MRPL1: variants seen among roughly 807,000 people sequenced by gnomAD.
The protein encoded by MRPL1 is large ribosomal subunit protein uL1m.
In MRPL1, 28 loss-of-function variants were observed where a neutral mutation model predicts 38.0. The observed-to-expected ratio is 0.74, with a 90% CI of 0.55 to 1.01. The LOEUF is 1.01. Ranked by LOEUF, MRPL1 falls within the 50% of genes least tolerant of loss-of-function variation. The probability of loss-of-function intolerance (pLI) is 0.00; values close to 1 mark genes in which losing one functional copy is unlikely to be tolerated. For missense variants in MRPL1, 358 were observed against 389.8 expected, an observed-to-expected ratio of 0.92 and a Z score of 0.69; for synonymous variants, 123 against 126.7, an observed-to-expected ratio of 0.97 and a Z score of 0.20.
chr4:77,930,122 A>T (rs1049295954), intron 7 of MRPL1, among the ~76,000 whole-genome samples: 3 of 152,234 alleles, frequency 2.0e-5, no homozygotes, highest in African/African-American at 7.2e-5. Flanking sequence ...CCTGGTCTCA[A>T]CACTGCCTGA....
intron 8 of MRPL1, among the ~76,000 whole-genome samples, chr4:77,950,886 T>G (rs1192477004): frequency 6.6e-6 from 1 of 152,214 alleles, no homozygotes; most frequent in Non-Finnish European, 1.5e-5. Context: ...TATTTTAGTT[T>G]TTGAGACGGA....
intron 7 of MRPL1, among the ~76,000 whole-genome samples, chr4:77,938,925 T>C (rs957857539): frequency 6.6e-6 from 1 of 152,210 alleles, no homozygotes; most frequent in African/African-American, 2.4e-5. Context: ...CTTTTATTTT[T>C]TTATTTCAAT....
chr4:77,893,342 C>T (rs1317773325), intron 5 of MRPL1, among the ~76,000 whole-genome samples: 2 of 151,912 alleles, frequency 1.3e-5, no homozygotes, highest in Admixed American at 6.6e-5. Context: ...ATTTCAAACT[C>T]CTGAGCTCAA....
At chr4:77,871,173 T>A (rs1426458802) in intron 1 of MRPL1, among the ~76,000 whole-genome samples, 1 of 152,104 alleles carries the variant, frequency 6.6e-6, no homozygotes, top group East Asian at 1.9e-4. Context: ...GTGAGCTGTG[T>A]TCATGCCACT....
chr4:77,905,248 A>G (rs1319456119), intron 6 of MRPL1, among the ~76,000 whole-genome samples: 2 of 152,094 alleles, frequency 1.3e-5, no homozygotes, highest in East Asian at 3.9e-4. Flanking sequence ...TGTAATCTCA[A>G]CACTTTGGGA....
intron 2 of MRPL1, among the ~76,000 whole-genome samples, chr4:77,877,890 G>A (rs1426879458): frequency 1.3e-5 from 2 of 151,302 alleles, no homozygotes; most frequent in African/African-American, 4.9e-5. Flanking sequence ...TTTCCTGTGT[G>A]CCTGCAACTG....
At chr4:77,934,481 C>T (rs1370525376) in intron 7 of MRPL1, among the ~76,000 whole-genome samples, 1 of 151,960 alleles carries the variant, frequency 6.6e-6, no homozygotes. Flanking sequence ...ATTAAAATCA[C>T]AATGAGATAC....
intron 6 of MRPL1, among the ~76,000 whole-genome samples, chr4:77,902,712 T>C (rs1304305862): frequency 6.6e-6 from 1 of 151,456 alleles, no homozygotes; most frequent in East Asian, 1.9e-4. Flanking sequence ...ATTTAAATGA[T>C]AATAAGGAAA....
At chr4:77,950,956 C>T (rs571070257) in intron 8 of MRPL1, among the ~76,000 whole-genome samples, 5 of 152,290 alleles carry the variant, frequency 3.3e-5, no homozygotes, top group South Asian at 4.1e-4. Flanking sequence ...CTGCAACCTC[C>T]GCCTCCCGGG....
Position 77,952,617 on chromosome 4 carries a change from A to G in MRPL1, c.*10A>G, listed in dbSNP as rs1274498893. The stretch of plus-strand genomic sequence containing the variant: ...AAAAGAAGATGCCTAAATGTGGTGA[A>G]TTGTGAAATTACTTTCAGTGGTTTA... On this transcript the variant is annotated 3_prime_UTR_variant, in exon 9 of 9. Transcript: ENST00000315567. 2.6e-6 allele frequency: 4 copies of G among 1,523,544 alleles called. No individual in the cohort carries two copies. The highest frequency in any genetic ancestry group is 3.6e-6 in the Non-Finnish European group (4 of 1,101,494). 94.4% of individuals were successfully genotyped at this position (1,523,544 alleles called of 1,614,324 possible). A position where few individuals can be genotyped will look rare whatever the true frequency, so the allele number is the denominator to read the frequency against.
intron 6 of MRPL1, among the ~76,000 whole-genome samples, chr4:77,898,988 G>GTTT (rs1560465396): frequency 2.1e-5 from 3 of 140,574 alleles, no homozygotes; most frequent in African/African-American, 5.4e-5. Flanking sequence ...CTTATGCACA[G>GTTT]ATTTTTTTTT....
intron 7 of MRPL1, among the ~76,000 whole-genome samples, chr4:77,947,813 T>G (rs182347807): frequency 2.6e-5 from 4 of 152,336 alleles, no homozygotes; most frequent in Admixed American, 2.6e-4. Context: ...GCACAATATC[T>G]AAAATAAAAA....
At chr4:77,939,157 A>G (rs1737060121) in intron 7 of MRPL1, among the ~76,000 whole-genome samples, 1 of 152,172 alleles carries the variant, frequency 6.6e-6, no homozygotes, top group Non-Finnish European at 1.5e-5. Flanking sequence ...ATGAGTGAGA[A>G]CATACGATGT....
rs1370588902 is a variant in MRPL1 at position 77,890,202 on chromosome 4, C to A, written c.558+2911C>A. Reference sequence around the variant, plus strand: ...AAAAAGAGAATTTTAGACCAATATCCCTGATGAACATCGATGCAAAAATCC... The same window carrying A: ...AAAAAGAGAATTTTAGACCAATATCACTGATGAACATCGATGCAAAAATCC... On this transcript the variant is annotated intron_variant, in intron 5 of 8. Transcript: ENST00000315567. 3.3e-5 allele frequency among the ~76,000 whole-genome samples: 5 copies of A among 152,262 alleles called. No homozygotes were observed. The East Asian group carries it at 9.7e-4, about 29-fold the overall frequency.
At chr4:77,936,012 C>T (rs538522013) in intron 7 of MRPL1, among the ~76,000 whole-genome samples, 39 of 150,460 alleles carry the variant, frequency 2.6e-4, no homozygotes, top group Non-Finnish European at 5.2e-4. Context: ...AAATGCTAAA[C>T]TAAAACTAAT....
intron 7 of MRPL1, among the ~76,000 whole-genome samples, chr4:77,918,211 G>A (rs1318508269): frequency 2.0e-5 from 3 of 152,112 alleles, no homozygotes; most frequent in East Asian, 1.9e-4. Context: ...AGGGTCGTTC[G>A]TATTTCAAAA....
chr4:77,927,677 A>C (rs1044082659), intron 7 of MRPL1, among the ~76,000 whole-genome samples: 1 of 152,034 alleles, frequency 6.6e-6, no homozygotes, highest in Admixed American at 6.5e-5. Context: ...TAAAAATTTC[A>C]CTAAGTACAA....
chr4:77,911,184 A>G (rs1221664368), intron 7 of MRPL1, among the ~76,000 whole-genome samples: 6 of 152,116 alleles, frequency 3.9e-5, no homozygotes, highest in Non-Finnish European at 2.9e-5. Flanking sequence ...GGTAACATCT[A>G]TTGTTATTGT....
intron 4 of MRPL1, among the ~76,000 whole-genome samples, chr4:77,885,585 T>C (rs2110236509): frequency 6.6e-6 from 1 of 152,328 alleles, no homozygotes; most frequent in East Asian, 1.9e-4. Flanking sequence ...CGGGGTAGTC[T>C]TGATCTCTTG....
Sources: gnomAD v4.1 joint callset for allele counts (sites outside exome capture counted in the v4.1 genomes callset) on GRCh38, gnomAD v4.1.1 for gene constraint, MANE v1.5 for transcripts, NCBI Gene and HGNC (gene_info 2026-07-23, HGNC 2026-07-21) for gene names.